Variants in WDPCP observed in about 807,000 individuals in gnomAD.
WDPCP encodes WD repeat-containing and planar cell polarity effector protein fritz homolog.
In WDPCP, 71 loss-of-function variants were observed where a neutral mutation model predicts 93.1. The ratio of observed to expected loss-of-function variants is 0.76; its 90% confidence interval spans 0.63 to 0.93. The LOEUF (loss-of-function observed/expected upper bound fraction) is 0.93, where lower values mean the gene tolerates loss of function less well. Among genes scored for constraint, WDPCP ranks in the 40% least tolerant of loss-of-function variants. The probability of loss-of-function intolerance (pLI) is 0.00; values close to 1 mark genes in which losing one functional copy is unlikely to be tolerated. For synonymous variants in WDPCP, 315 were observed against 315.0 expected (o/e 1.00, Z 0.00); for missense variants, 844 against 887.4 (o/e 0.95, Z 0.62).
chr2:63,325,391 G>A (rs1241616535), intron 12 of WDPCP, among the ~76,000 whole-genome samples: 3 of 152,226 alleles, frequency 2.0e-5, no homozygotes, highest in East Asian at 1.9e-4. Flanking sequence ...CCAGAAAAAA[G>A]CCCCCAACCA....
intron 14 of WDPCP, among the ~76,000 whole-genome samples, chr2:63,246,026 C>G (rs915327425): frequency 7.2e-5 from 11 of 152,240 alleles, no homozygotes; most frequent in Admixed American, 2.0e-4. Flanking sequence ...AAATAAAAAT[C>G]TGACACCAGA....
intron 14 of WDPCP, among the ~76,000 whole-genome samples, chr2:63,248,770 A>AT (rs1204040982): frequency 1.3e-5 from 2 of 151,694 alleles, no homozygotes; most frequent in African/African-American, 4.8e-5. Context: ...AAGTTGGCTG[A>AT]TTTTTTTTCT....
In WDPCP at chr2:63,421,077, A is replaced by G. The variant is rs375000267; in HGVS notation, c.825+12668T>C. Among the ~76,000 whole-genome samples the G allele has an allele frequency of 1.1e-4, 16 of 152,320 alleles. 1 individual carries two copies. In the South Asian group the frequency reaches 3.3e-3, roughly 32 times the overall value. ...CCATAATAGTGAATGAGAGTTCCCT[A>G]TTGCTCTACATCTTTACTTATTCAA... On this transcript the variant is annotated intron_variant, in intron 9 of 17. Transcript: ENST00000272321.
chr2:63,281,741 G>GT (rs1683567737), intron 13 of WDPCP, among the ~76,000 whole-genome samples: 1 of 151,982 alleles, frequency 6.6e-6, no homozygotes, highest in African/African-American at 2.4e-5. Flanking sequence ...ACTAAACATC[G>GT]TATGTTCTCA....
At chr2:63,716,167 G>A (rs1669334688) in intron 2 of WDPCP, among the ~76,000 whole-genome samples, 1 of 152,208 alleles carries the variant, frequency 6.6e-6, no homozygotes, top group South Asian at 2.1e-4. Flanking sequence ...TGAAGGGACA[G>A]TCCACTTCTC....
intron 1 of WDPCP, among the ~76,000 whole-genome samples, chr2:63,556,524 G>C (rs920305317): frequency 1.2e-4 from 18 of 152,132 alleles, no homozygotes; most frequent in Non-Finnish European, 1.6e-4. Flanking sequence ...CTTTAGCTCA[G>C]TGAAATTTGT....
chr2:63,489,976 C>T (rs886901063), intron 2 of WDPCP, among the ~76,000 whole-genome samples: 4 of 151,838 alleles, frequency 2.6e-5, no homozygotes, highest in Non-Finnish European at 5.9e-5. Flanking sequence ...TATGCACCAC[C>T]TGATAGGATG....
intron 12 of WDPCP, among the ~76,000 whole-genome samples, chr2:63,349,465 G>A (rs1258652563): frequency 6.6e-6 from 1 of 151,696 alleles, no homozygotes; most frequent in Non-Finnish European, 1.5e-5. Context: ...TGACTATTTT[G>A]TACCTCTAGA....
chr2:63,687,778 G>T (rs1668829028), intron 2 of WDPCP, among the ~76,000 whole-genome samples: 1 of 151,954 alleles, frequency 6.6e-6, no homozygotes, highest in African/African-American at 2.4e-5. Context: ...CAGTTTGGAG[G>T]TTCCTCAAAA....
At chr2:63,140,686 C>A (rs1323068933) in intron 17 of WDPCP, among the ~76,000 whole-genome samples, 1 of 151,806 alleles carries the variant, frequency 6.6e-6, no homozygotes, top group African/African-American at 2.4e-5. Flanking sequence ...TTGCTGAATT[C>A]TTTTATCAGT....
At chr2:63,767,974 G>T (rs1670170481) in intron 2 of WDPCP, among the ~76,000 whole-genome samples, 1 of 151,800 alleles carries the variant, frequency 6.6e-6, no homozygotes, top group South Asian at 2.1e-4. Context: ...TAGTTAAGTT[G>T]AGGTTGATGC....
intron 17 of WDPCP, among the ~76,000 whole-genome samples, chr2:63,145,928 G>C (rs781119755): frequency 1.3e-5 from 2 of 152,106 alleles, no homozygotes; most frequent in African/African-American, 4.8e-5. Context: ...TTCACCTCTT[G>C]GATTAGCTGC....
At chr2:63,789,866 A>C (rs1290438538) in intron 2 of WDPCP, among the ~76,000 whole-genome samples, 1 of 152,206 alleles carries the variant, frequency 6.6e-6, no homozygotes, top group East Asian at 1.9e-4. Context: ...GATTACATCA[A>C]GTCCCAAGAT....
intron 13 of WDPCP, among the ~76,000 whole-genome samples, chr2:63,296,181 C>G (rs958849821): frequency 7.2e-5 from 10 of 138,986 alleles, no homozygotes; most frequent in Non-Finnish European, 1.5e-4. Context: ...GAATTAAAAA[C>G]AAAAACCATA....
the WDPCP span, among the ~76,000 whole-genome samples, chr2:63,834,476 T>C: frequency 6.6e-6 from 1 of 152,284 alleles, no homozygotes; most frequent in Non-Finnish European, 1.5e-5. Context: ...AGAGAGGTAA[T>C]ATAGACCAGA....
intron 13 of WDPCP, among the ~76,000 whole-genome samples, chr2:63,284,081 CT>C (rs879362912): frequency 6.8e-5 from 10 of 147,924 alleles, no homozygotes; most frequent in African/African-American, 7.4e-5. Context: ...ATATAAAAGA[CT>C]TTTTTTTTTA....
chr2:63,181,773 G>A (rs905061627), intron 14 of WDPCP, among the ~76,000 whole-genome samples: 4 of 149,970 alleles, frequency 2.7e-5, no homozygotes, highest in Non-Finnish European at 4.4e-5. Context: ...CTATACATCT[G>A]TATGGTTTTT....
At chr2:63,588,109 C>G in intron 1 of WDPCP, 88 bp downstream of exon 1, 1 of 1,467,572 alleles carries the variant, frequency 6.8e-7, no homozygotes, top group Non-Finnish European at 9.3e-7. Flanking sequence ...ATCCGCACAG[C>G]GGATAAAAGC....
At chr2:63,518,810 C>T (rs1702726800) in intron 1 of WDPCP, 1 of 152,258 alleles carries the variant, frequency 6.6e-6, no homozygotes, top group African/African-American at 2.4e-5. Context: ...CGTGGGCTCG[C>T]ATCATAGCTC....
Sources: allele counts gnomAD v4.1 joint callset (sites outside exome capture counted in the v4.1 genomes callset), GRCh38; gene constraint gnomAD v4.1.1; transcripts MANE v1.5; gene names NCBI Gene and HGNC (gene_info 2026-07-23, HGNC 2026-07-21).